Variants in MAK observed in about 807,000 individuals in gnomAD.
The protein encoded by MAK is male germ cell associated kinase.
MAK carries 65 observed loss-of-function variants against 82.6 expected under a neutral mutation model. The observed-to-expected ratio is 0.79, with a 90% CI of 0.64 to 0.97. The LOEUF (loss-of-function observed/expected upper bound fraction) is 0.97. Ranked by LOEUF, MAK falls within the 50% of genes least tolerant of loss-of-function variation. MAK has a pLI of 0.00. For missense variants in MAK, 703 were observed against 780.2 expected (o/e 0.90, Z 1.18); for synonymous variants, 250 against 274.2 (o/e 0.91, Z 0.87).
At chr6:10,819,153 T>C in intron 2 of MAK, among the ~76,000 whole-genome samples, 1 of 152,190 alleles carries the variant, frequency 6.6e-6, no homozygotes. Context: ...AGTGAAAAAA[T>C]TACCATTAAT....
chr6:10,770,296 G>C, intron 13 of MAK, 66 bp from the exon 14 acceptor site: 1 of 1,545,426 alleles, frequency 6.5e-7, no homozygotes, highest in South Asian at 1.1e-5. Context: ...GAATAACATT[G>C]AATACTACCC....
Position 10,815,945 on chromosome 6 carries a change from T to TATATATATATATATATAA in MAK, c.278+1904_278+1905insTTATATATATATATATAT, listed in dbSNP as rs1171616235. Among the ~76,000 whole-genome samples, 292 of 116,806 alleles carry TATATATATATATATATAA rather than the reference T, an allele frequency of 2.5e-3. 14 individuals are homozygous for TATATATATATATATATAA. The highest frequency in any genetic ancestry group is 0.01 in the African/African-American group (274 of 26,566). 76.6% of individuals were successfully genotyped at this position (116,806 alleles called of 152,430 possible). A position where few individuals can be genotyped will look rare whatever the true frequency, so the allele number is the denominator to read the frequency against. On this transcript the variant is annotated intron_variant, in intron 4 of 14. Transcript: ENST00000354489. ...ATATATATATATATATATATATATATATGTATGTTTTCTTTTTTGTTTGAG... is the reference window on the plus strand; with the variant it reads ...ATATATATATATATATATATATATATATATATATATATATATAAATGTATGTTTTCTTTTTTGTTTGAG...
chr6:10,828,699 G>C (rs1778556520), intron 2 of MAK, among the ~76,000 whole-genome samples: 1 of 152,146 alleles, frequency 6.6e-6, no homozygotes, highest in Non-Finnish European at 1.5e-5. Flanking sequence ...GGAGGCTGAG[G>C]CAGGAGGATG....
At chr6:10,825,430 C>T (rs529317801) in intron 2 of MAK, among the ~76,000 whole-genome samples, 1 of 151,870 alleles carries the variant, frequency 6.6e-6, no homozygotes, top group African/African-American at 2.4e-5. Context: ...AGATCCTATT[C>T]CAGGGCCCAT....
intron 13 of MAK, among the ~76,000 whole-genome samples, chr6:10,770,738 A>T (rs900816400): frequency 6.6e-6 from 1 of 152,214 alleles, no homozygotes; most frequent in Non-Finnish European, 1.5e-5. Context: ...GTCAGCTAGC[A>T]TAATTGCCAT....
At position 10,808,897 on chromosome 6, in the gene MAK, C is replaced by A. The variant is rs768356424; in HGVS notation, c.404G>T (p.Gly135Val). 17 of 1,613,586 alleles carry A rather than the reference C, an allele frequency of 1.1e-5. No individual in the cohort carries two copies. Among genetic ancestry groups the A allele is most frequent in the Non-Finnish European group, 3.4e-6 (4 of 1,179,750 alleles). The change falls in exon 6 of 15, where the codon GGT becomes GTT. Residue 135 changes from glycine (G) to valine (V), a missense_variant. Gly to Val is a moderately radical substitution (Grantham distance 109, BLOSUM62 -3). Coordinates refer to ENST00000354489, the MANE Select transcript of MAK (RefSeq NM_001242957.3). ...DMKPENLLCM[G>V]PELVKIADFG... ...ATCAGCAATTTTCACAAGCTCTGGA[C>A]CCATACAAAGCAAGTTTTCTGGTTT...
Position 10,791,952 on chromosome 6 carries a change from G to C in MAK, c.1144-105C>G. ...CACTAACAGTCCCCATTCTCAAGGA[G>C]CGTTCCATACATGTAAGGGCATAAC... On this transcript the variant is annotated intron_variant, in intron 9 of 14. Coordinates refer to ENST00000354489, the MANE Select transcript of MAK (RefSeq NM_001242957.3). The C allele has an allele frequency of 2.4e-6, 3 of 1,273,070 alleles. No homozygotes were observed. The South Asian group carries it at 3.6e-5, about 15-fold the overall frequency. The allele number at this position is 1,273,070 out of a possible 1,614,324, so 78.9% of individuals were successfully genotyped here. A position where few individuals can be genotyped will look rare whatever the true frequency, so the allele number is the denominator to read the frequency against.
chr6:10,782,234 A>T (rs1484017439), intron 11 of MAK, among the ~76,000 whole-genome samples: 1 of 147,876 alleles, frequency 6.8e-6, no homozygotes, highest in Admixed American at 6.7e-5. Context: ...ACACACACAC[A>T]CACACACACA....
chr6:10,818,613 CAAAAA>C (rs35999127), intron 3 of MAK, among the ~76,000 whole-genome samples: 2 of 111,088 alleles, frequency 1.8e-5, no homozygotes, highest in Non-Finnish European at 1.9e-5. Context: ...GACTCTGTCA[CAAAAA>C]AAAAAAAAAA....
chr6:10,813,116 ATATATATATATATATATAAAT>A (rs1554183576), intron 5 of MAK, among the ~76,000 whole-genome samples: 89 of 4,946 alleles, frequency 0.018, 18 homozygotes, highest in East Asian at 0.045. Flanking sequence ...ATATATATAT[ATATATATATATATATATAAAT>A]TTTTTTTTTT....
intron 5 of MAK, among the ~76,000 whole-genome samples, chr6:10,813,167 G>T (rs1319905474): frequency 7.6e-5 from 2 of 26,366 alleles, no homozygotes; most frequent in African/African-American, 1.5e-4. Flanking sequence ...TTTTTTTTTT[G>T]AGATGGAGTC....
At chr6:10,814,565 G>A (rs1041724592) in intron 4 of MAK, among the ~76,000 whole-genome samples, 4 of 151,954 alleles carry the variant, frequency 2.6e-5, no homozygotes, top group African/African-American at 9.7e-5. Context: ...CTGCTGGAGA[G>A]GCTGAGGTGG....
intron 2 of MAK, among the ~76,000 whole-genome samples, chr6:10,827,979 C>T (rs1384983543): frequency 6.6e-6 from 1 of 152,142 alleles, no homozygotes; most frequent in East Asian, 1.9e-4. Context: ...CTGCATTCAG[C>T]CAAGAGGCTT....
At chr6:10,801,369 G>A (rs927667879) in intron 8 of MAK, among the ~76,000 whole-genome samples, 4 of 152,236 alleles carry the variant, frequency 2.6e-5, no homozygotes, top group Non-Finnish European at 5.9e-5. Context: ...GAATACATCT[G>A]TAGATATGTC....
intron 2 of MAK, among the ~76,000 whole-genome samples, chr6:10,827,378 G>A (rs958578131): frequency 1.3e-5 from 2 of 152,002 alleles, no homozygotes; most frequent in Non-Finnish European, 2.9e-5. Flanking sequence ...GTATTTCTTT[G>A]TGTGAATTTA....
In MAK at chr6:10,800,657, T is replaced by C. The variant is rs945128372; in HGVS notation, c.831+1235A>G. On this transcript the variant is annotated intron_variant, in intron 8 of 14. Transcript: ENST00000354489. The surrounding 1 kb of genome is among the most constrained non-coding windows in gnomAD (Gnocchi z 4.2). ...GAGGTCGAGACCAGCCTCACCAACA[T>C]GGAGAAACCCTGTCTCTACTAAAAA... 2.6e-5 allele frequency among the ~76,000 whole-genome samples: 4 copies of C among 152,038 alleles called. No homozygotes were observed. Among genetic ancestry groups the C allele is most frequent in the African/African-American group, 7.2e-5 (3 of 41,458 alleles).
chr6:10,809,339 T>A (rs1443737474), intron 5 of MAK, among the ~76,000 whole-genome samples: 1 of 152,174 alleles, frequency 6.6e-6, no homozygotes, highest in African/African-American at 2.4e-5. Flanking sequence ...CAGAGTGAAG[T>A]CACCTAATTA....
intron 1 of MAK, among the ~76,000 whole-genome samples, chr6:10,834,782 T>A (rs1485215311): frequency 1.3e-5 from 2 of 150,428 alleles, no homozygotes; most frequent in South Asian, 4.2e-4. Flanking sequence ...TCATGAAAAT[T>A]ATTATTATTA....
At chr6:10,782,105 G>A (rs1774029883) in intron 11 of MAK, among the ~76,000 whole-genome samples, 1 of 151,784 alleles carries the variant, frequency 6.6e-6, no homozygotes, top group Admixed American at 6.6e-5. Flanking sequence ...TACTTGGGAG[G>A]CTGAGGCAGG....
Sources: gnomAD v4.1 joint callset for allele counts (sites outside exome capture counted in the v4.1 genomes callset) on GRCh38, gnomAD v4.1.1 for gene constraint, Gnocchi (gnomAD v3.1) non-coding constraint, MANE v1.5 for transcripts, NCBI Gene and HGNC (gene_info 2026-07-23, HGNC 2026-07-21) for gene names.